GRIP1: variants seen among roughly 807,000 people sequenced by gnomAD.
GRIP1 encodes glutamate receptor interacting protein 1.
Under a neutral mutation model 129.9 loss-of-function variants are expected in GRIP1, and 45 were observed. That is an observed-to-expected ratio of 0.35 (90% CI 0.27 to 0.44). GRIP1 has a LOEUF of 0.44. Among genes scored for constraint, GRIP1 ranks in the 20% least tolerant of loss-of-function variants. GRIP1 has a pLI of 1.00. For synonymous variants in GRIP1, 530 were observed against 520.8 expected, an observed-to-expected ratio of 1.02 and a Z score of -0.24; for missense variants, 1,196 against 1,396.8, an observed-to-expected ratio of 0.86 and a Z score of 2.29.
chr12:66,436,370 G>A (rs1010424161), intron 13 of GRIP1, among the ~76,000 whole-genome samples: 9 of 152,082 alleles, frequency 5.9e-5, no homozygotes, highest in Middle Eastern at 3.4e-3. Context: ...GATTCTCACC[G>A]AGACTTCTTT....
chr12:66,592,501 A>G (rs576257537), intron 2 of GRIP1, among the ~76,000 whole-genome samples: 1 of 152,344 alleles, frequency 6.6e-6, no homozygotes, highest in Non-Finnish European at 1.5e-5. Context: ...CCCTGGGTGC[A>G]TCAAAGTTTA....
At chr12:66,814,589 T>TAAAA (rs79461500) in intron 1 of GRIP1, among the ~76,000 whole-genome samples, 1 of 108,422 alleles carries the variant, frequency 9.2e-6, no homozygotes, top group East Asian at 3.3e-4. Flanking sequence ...AGTGATACCA[T>TAAAA]AAAAAAAAAA....
chr12:66,485,456 T>A (rs2059927979), intron 7 of GRIP1, among the ~76,000 whole-genome samples: 1 of 151,410 alleles, frequency 6.6e-6, no homozygotes, highest in Admixed American at 6.6e-5. Context: ...AACTAAAAAA[T>A]AATTTCAAAA....
chr12:66,923,897 T>A (rs1238858014), intron 1 of GRIP1, among the ~76,000 whole-genome samples: 1 of 151,996 alleles, frequency 6.6e-6, no homozygotes, highest in Non-Finnish European at 1.5e-5. Context: ...CACGCTGGAG[T>A]GTAATGGCGC....
chr12:66,774,345 T>C (rs749254021), intron 1 of GRIP1, among the ~76,000 whole-genome samples: 17 of 152,320 alleles, frequency 1.1e-4, no homozygotes, highest in Non-Finnish European at 2.1e-4. Flanking sequence ...CCATGCCCAA[T>C]AGTTCTATCT....
At chr12:66,474,645 C>T (rs997194153) in intron 7 of GRIP1, among the ~76,000 whole-genome samples, 5 of 152,140 alleles carry the variant, frequency 3.3e-5, no homozygotes, top group South Asian at 2.1e-4. Context: ...AGAAGCTCTA[C>T]AAGCCAGAAG....
intron 23 of GRIP1, among the ~76,000 whole-genome samples, chr12:66,369,106 G>GA (rs1451940181): frequency 1.3e-5 from 2 of 151,502 alleles, no homozygotes; most frequent in African/African-American, 4.8e-5. Flanking sequence ...GATCAATTCA[G>GA]AAAAAAAAGT....
chr12:66,979,424 G>C (rs1312507867), intron 1 of GRIP1, among the ~76,000 whole-genome samples: 2 of 151,296 alleles, frequency 1.3e-5, no homozygotes, highest in Non-Finnish European at 2.9e-5. Context: ...TAGCCCATAT[G>C]AGCCACCATG....
At chr12:66,768,567 T>C (rs1375623966) in intron 1 of GRIP1, among the ~76,000 whole-genome samples, 1 of 152,136 alleles carries the variant, frequency 6.6e-6, no homozygotes, top group Non-Finnish European at 1.5e-5. Flanking sequence ...GCAGGAACAA[T>C]GTGTCCTTAC....
intron 1 of GRIP1, among the ~76,000 whole-genome samples, chr12:66,696,730 G>A (rs1192828397): frequency 1.3e-5 from 2 of 149,716 alleles, no homozygotes; most frequent in African/African-American, 2.5e-5. Context: ...GCGTGAACCC[G>A]GGAGGCAGAG....
At position 66,712,070 on chromosome 12, in the gene GRIP1, T is replaced by A. The variant is rs375562321; in HGVS notation, c.-419-81734A>T. ...AGAAAAGTGACATTTTTAAGAAACATGGGTGCTATCAAATCTTAAAATATA... is the reference window on the plus strand; with the variant it reads ...AGAAAAGTGACATTTTTAAGAAACAAGGGTGCTATCAAATCTTAAAATATA... On this transcript the variant is annotated intron_variant, in intron 1 of 4. Transcript: ENST00000538373. 2.8e-4 allele frequency among the ~76,000 whole-genome samples: 43 copies of A among 152,080 alleles called. No individual in the cohort carries two copies. In the South Asian group the frequency reaches 8.7e-3, roughly 31 times the overall value.
chr12:66,532,775 A>G (rs2061496604), intron 4 of GRIP1, among the ~76,000 whole-genome samples: 1 of 151,450 alleles, frequency 6.6e-6, no homozygotes, highest in Non-Finnish European at 1.5e-5. Context: ...CCTCCACTTC[A>G]CCACCACCAC....
At chr12:66,767,397 A>G (rs907875816) in intron 1 of GRIP1, among the ~76,000 whole-genome samples, 4 of 152,102 alleles carry the variant, frequency 2.6e-5, no homozygotes, top group African/African-American at 4.8e-5. Flanking sequence ...AAAGAAAACC[A>G]CTTTTATTAC....
chr12:66,531,847 ATAAT>A (rs1442092993), intron 4 of GRIP1, among the ~76,000 whole-genome samples: 1 of 152,188 alleles, frequency 6.6e-6, no homozygotes, highest in Non-Finnish European at 1.5e-5. Context: ...ATGGAAAGAA[ATAAT>A]TAATAAGAAT....
chr12:66,844,076 G>C (rs2039769582), intron 1 of GRIP1, among the ~76,000 whole-genome samples: 1 of 152,146 alleles, frequency 6.6e-6, no homozygotes, highest in South Asian at 2.1e-4. Flanking sequence ...TTAATACCCA[G>C]AATATATAAA....
At chr12:66,679,182 A>C, upstream of GRIP1, 1 of 1,330,530 alleles carries the variant, frequency 7.5e-7, no homozygotes, top group Non-Finnish European at 9.7e-7. Context: ...GATAGCAACA[A>C]AGCACCAAAT....
chr12:66,509,729 T>C (rs568444252), intron 7 of GRIP1, among the ~76,000 whole-genome samples: 1 of 152,034 alleles, frequency 6.6e-6, no homozygotes, highest in Non-Finnish European at 1.5e-5. Context: ...TTCTCACTTA[T>C]AAGTGAGAGA....
At chr12:66,734,005 C>T (rs1342713539) in intron 1 of GRIP1, among the ~76,000 whole-genome samples, 6 of 152,010 alleles carry the variant, frequency 3.9e-5, no homozygotes, top group East Asian at 1.9e-4. Context: ...TTTCTACGTA[C>T]GCTGCAACTA....
intron 7 of GRIP1, among the ~76,000 whole-genome samples, chr12:66,498,362 A>T (rs17102555): frequency 0.49 from 74,776 of 152,078 alleles, 18,928 homozygotes; most frequent in African/African-American, 0.62. Flanking sequence ...GGGGAGAAGT[A>T]CTAAACAGTT....
Sources: allele counts gnomAD v4.1 joint callset (sites outside exome capture counted in the v4.1 genomes callset), GRCh38; gene constraint gnomAD v4.1.1; transcripts MANE v1.5; gene names NCBI Gene and HGNC (gene_info 2026-07-23, HGNC 2026-07-21).